EPHA6: variants seen among roughly 807,000 people sequenced by gnomAD.
The protein encoded by EPHA6 is ephrin type-A receptor 6.
In EPHA6, 50 loss-of-function variants were observed where a neutral mutation model predicts 112.0. The ratio of observed to expected loss-of-function variants is 0.45; its 90% CI spans 0.36 to 0.56. The LOEUF (loss-of-function observed/expected upper bound fraction) is 0.56, where lower values mean the gene tolerates loss of function less well. EPHA6 is among the 20% of genes least tolerant of loss of function. The pLI, the probability that EPHA6 is intolerant of heterozygous loss-of-function variation, is 0.00. For synonymous variants in EPHA6, 529 were observed against 490.7 expected (o/e 1.08, Z -1.03); for missense variants, 1,280 against 1,417.4 (o/e 0.90, Z 1.56).
chr3:97,342,666 A>G (rs939084798), intron 5 of EPHA6, among the ~76,000 whole-genome samples: 2 of 152,114 alleles, frequency 1.3e-5, no homozygotes, highest in Admixed American at 1.3e-4. Flanking sequence ...CCTTATGATA[A>G]GAGATATAAG....
At position 97,451,193 on chromosome 3, in the gene EPHA6, A is replaced by G. The variant is rs544599357; in HGVS notation, c.1894+2463A>G. Among the ~76,000 whole-genome samples the G allele has an allele frequency of 1.4e-3, 208 of 152,172 alleles. 1 individual carries two copies. The highest frequency in any genetic ancestry group is 6.8e-3 in the Middle Eastern group (2 of 294). ...ATTTGCATGTATCCAGAAAATATTC[A>G]GGATCCATTGGTGAATTCGAATCCT... On this transcript the variant is annotated intron_variant, in intron 7 of 17. Coordinates refer to ENST00000389672, the MANE Select transcript of EPHA6 (RefSeq NM_001080448.3).
intron 2 of EPHA6, among the ~76,000 whole-genome samples, chr3:96,909,106 A>G (rs979731608): frequency 6.6e-6 from 1 of 151,966 alleles, no homozygotes; most frequent in African/African-American, 2.4e-5. Context: ...ATGTTAATAT[A>G]ACTAGTTATT....
chr3:97,573,766 T>C (rs1253633346), intron 11 of EPHA6, among the ~76,000 whole-genome samples: 2 of 152,096 alleles, frequency 1.3e-5, no homozygotes. Flanking sequence ...AATAGGTCTC[T>C]TCATTTATCA....
chr3:97,405,350 CTATAT>C, intron 6 of EPHA6, 76 bp downstream of exon 6: 2 of 1,289,872 alleles, frequency 1.6e-6, no homozygotes, highest in Admixed American at 2.5e-5. Flanking sequence ...TGTCGTTATA[CTATAT>C]TATTTTATTT....
intron 16 of EPHA6, among the ~76,000 whole-genome samples, chr3:97,739,359 A>T (rs1187571147): frequency 6.6e-6 from 1 of 151,920 alleles, no homozygotes; most frequent in Non-Finnish European, 1.5e-5. Context: ...CATGGTTTTT[A>T]TTCCATTCTA....
chr3:97,343,990 C>A (rs1397816650), intron 5 of EPHA6, among the ~76,000 whole-genome samples: 3 of 152,140 alleles, frequency 2.0e-5, no homozygotes, highest in African/African-American at 7.2e-5. Flanking sequence ...CTTCCCTAGT[C>A]TCCTATTTTT....
chr3:97,067,965 C>T (rs1304123993), intron 3 of EPHA6, among the ~76,000 whole-genome samples: 1 of 151,580 alleles, frequency 6.6e-6, no homozygotes, highest in Admixed American at 6.6e-5. Flanking sequence ...GCCAACATGA[C>T]AAAACTCCAT....
At chr3:96,949,079 T>G (rs2041415099) in intron 2 of EPHA6, among the ~76,000 whole-genome samples, 1 of 152,182 alleles carries the variant, frequency 6.6e-6, no homozygotes, top group African/African-American at 2.4e-5. Context: ...CTATTGTCTG[T>G]TGCACTTGAT....
intron 16 of EPHA6, among the ~76,000 whole-genome samples, chr3:97,739,313 T>C (rs1302593777): frequency 6.6e-6 from 1 of 152,074 alleles, no homozygotes; most frequent in Non-Finnish European, 1.5e-5. Flanking sequence ...CTCTCACACT[T>C]ATATGCTGAT....
chr3:97,054,126 G>A (rs1214631272), intron 3 of EPHA6, among the ~76,000 whole-genome samples: 1 of 151,070 alleles, frequency 6.6e-6, no homozygotes, highest in East Asian at 1.9e-4. Flanking sequence ...CAAAAAGCAT[G>A]TTACAAGGAA....
intron 5 of EPHA6, among the ~76,000 whole-genome samples, chr3:97,248,998 T>G (rs2108592554): frequency 6.6e-6 from 1 of 151,996 alleles, no homozygotes; most frequent in Non-Finnish European, 1.5e-5. Context: ...TTTTCAAAAA[T>G]GCTCACAGCA....
chr3:96,903,195 T>A (rs2038715186), intron 2 of EPHA6, among the ~76,000 whole-genome samples: 1 of 152,050 alleles, frequency 6.6e-6, no homozygotes. Flanking sequence ...AGAGGTGTAA[T>A]ATAGTACAAA....
At chr3:96,946,917 G>A (rs2041294489) in intron 2 of EPHA6, among the ~76,000 whole-genome samples, 1 of 152,126 alleles carries the variant, frequency 6.6e-6, no homozygotes, top group Non-Finnish European at 1.5e-5. Flanking sequence ...GCATTTCTCT[G>A]ATGGCCAGTG....
intron 3 of EPHA6, 53 bp downstream of exon 3, chr3:96,988,046 A>G: frequency 7.1e-7 from 1 of 1,412,086 alleles, no homozygotes; most frequent in Non-Finnish European, 9.4e-7. Context: ...ATTTTAAAAA[A>G]GTTTTATTTT....
chr3:97,504,266 C>T (rs906599713), intron 10 of EPHA6, among the ~76,000 whole-genome samples: 5 of 151,946 alleles, frequency 3.3e-5, no homozygotes, highest in Non-Finnish European at 7.4e-5. Context: ...AATTAAGGAG[C>T]CTGGACACAA....
intron 2 of EPHA6, among the ~76,000 whole-genome samples, chr3:96,892,954 A>ATATGTGTGTG (rs1420399065): frequency 3.8e-5 from 5 of 132,424 alleles, no homozygotes; most frequent in African/African-American, 1.3e-4. Context: ...ATATATATAT[A>ATATGTGTGTG]TGTGTGTGTG....
intron 15 of EPHA6, 73 bp from the exon 16 acceptor site, chr3:97,735,852 G>GCCAAAA (rs2035229684): frequency 8.3e-6 from 10 of 1,197,876 alleles, no homozygotes; most frequent in Non-Finnish European, 7.9e-6. Flanking sequence ...TCTTCTGCTT[G>GCCAAAA]TAAAAAAAGA....
intron 5 of EPHA6, among the ~76,000 whole-genome samples, chr3:97,376,164 T>C (rs1284228841): frequency 6.6e-6 from 1 of 152,202 alleles, no homozygotes; most frequent in Non-Finnish European, 1.5e-5. Flanking sequence ...TTATCATATG[T>C]AAGTTATACT....
At position 97,214,555 on chromosome 3, in the gene EPHA6, T is replaced by C. The variant is rs535794148; in HGVS notation, c.1115-11709T>C. Reference sequence around the variant, plus strand: ...GTATTCATATTTAGTTTGCCTTTAATATATATCTTTCTCTAAAAATTTACT... The same window carrying C: ...GTATTCATATTTAGTTTGCCTTTAACATATATCTTTCTCTAAAAATTTACT... On this transcript the variant is annotated intron_variant, in intron 3 of 17. Coordinates refer to ENST00000389672, the MANE Select transcript of EPHA6 (RefSeq NM_001080448.3). Among the ~76,000 whole-genome samples, 3 of 152,036 alleles carry C rather than the reference T, an allele frequency of 2.0e-5. No homozygotes were observed. In the East Asian group the frequency reaches 5.8e-4, roughly 29 times the overall value.
Sources: gnomAD v4.1 joint callset for allele counts (sites outside exome capture counted in the v4.1 genomes callset) on GRCh38, gnomAD v4.1.1 for gene constraint, MANE v1.5 for transcripts, NCBI Gene and HGNC (gene_info 2026-07-23, HGNC 2026-07-21) for gene names.